Variants in KCNC2 observed in about 807,000 individuals in gnomAD.
The protein encoded by KCNC2 is potassium voltage-gated channel subfamily C member 2, also known as voltage-gated potassium channel KCNC2.
A neutral mutation model predicts 44.5 loss-of-function variants in KCNC2; 21 were observed. The ratio of observed to expected loss-of-function variants is 0.47; its 90% CI spans 0.33 to 0.68. The LOEUF is 0.68. KCNC2 is among the 30% of genes least tolerant of loss of function. The pLI, the probability that KCNC2 is intolerant of heterozygous loss-of-function variation, is 0.01. For missense variants in KCNC2, 589 were observed against 826.2 expected, an observed-to-expected ratio of 0.71 and a Z score of 3.52; for synonymous variants, 391 against 339.1, an observed-to-expected ratio of 1.15 and a Z score of -1.68.
chr12:75,081,504 C>T (rs1884508901), intron 2 of KCNC2, among the ~76,000 whole-genome samples: 1 of 151,048 alleles, frequency 6.6e-6, no homozygotes, highest in Non-Finnish European at 1.5e-5. Flanking sequence ...CTCACTTGAC[C>T]AACTTCAAAA....
chr12:75,208,633 C>A (rs2031907238), intron 1 of KCNC2, among the ~76,000 whole-genome samples: 1 of 149,704 alleles, frequency 6.7e-6, no homozygotes, highest in Admixed American at 6.6e-5. Context: ...AACCCCGGAC[C>A]CCTCTCTACT....
rs111489967 is a variant in KCNC2, at chr12:75,132,667, T to C, written c.687+74630A>G. Reference sequence around the variant, plus strand: ...TTCTCTAGCCCATCTTTCTCTGATTTGTTAAGAGAATCAAATTATATAAAG... The same window carrying C: ...TTCTCTAGCCCATCTTTCTCTGATTCGTTAAGAGAATCAAATTATATAAAG... On this transcript the variant is annotated intron_variant, in intron 2 of 4. Coordinates refer to ENST00000549446, the MANE Select transcript of KCNC2 (RefSeq NM_139137.4). 9.1e-3 allele frequency among the ~76,000 whole-genome samples: 1,383 copies of C among 152,252 alleles called. 21 individuals are homozygous for C. The highest frequency in any genetic ancestry group is 0.032 in the African/African-American group (1,309 of 41,550).
intron 2 of KCNC2, among the ~76,000 whole-genome samples, chr12:75,177,460 C>A (rs1892269797): frequency 6.6e-6 from 1 of 151,884 alleles, no homozygotes; most frequent in African/African-American, 2.4e-5. Context: ...ACAAGAACTA[C>A]TGACTCAAAG....
At chr12:75,091,276 T>C (rs1885451391) in intron 2 of KCNC2, among the ~76,000 whole-genome samples, 1 of 151,816 alleles carries the variant, frequency 6.6e-6, no homozygotes, top group Non-Finnish European at 1.5e-5. Context: ...TTTTTTATTC[T>C]TCAACTTTTT....
chr12:75,135,290 C>G (rs574103048), intron 2 of KCNC2, among the ~76,000 whole-genome samples: 44 of 151,622 alleles, frequency 2.9e-4, no homozygotes, highest in African/African-American at 1.0e-3. Context: ...CTGACCATCA[C>G]AAGTTCACAG....
chr12:75,166,433 C>A (rs1386213033), intron 2 of KCNC2, among the ~76,000 whole-genome samples: 1 of 145,086 alleles, frequency 6.9e-6, no homozygotes, highest in African/African-American at 2.6e-5. Flanking sequence ...AAAGAGAAAA[C>A]TCGAATGATC....
At chr12:75,063,634 A>G (rs1412604165) in intron 2 of KCNC2, among the ~76,000 whole-genome samples, 1 of 152,090 alleles carries the variant, frequency 6.6e-6, no homozygotes, top group Non-Finnish European at 1.5e-5. Flanking sequence ...GAGGACAGAC[A>G]ATAGGTTGTC....
chr12:75,198,310 T>C (rs1367534643), intron 2 of KCNC2, among the ~76,000 whole-genome samples: 1 of 151,908 alleles, frequency 6.6e-6, no homozygotes, highest in Non-Finnish European at 1.5e-5. Context: ...TTTTAGATGA[T>C]GGTGATAGGT....
intron 2 of KCNC2, among the ~76,000 whole-genome samples, chr12:75,087,682 G>C (rs907868478): frequency 1.3e-5 from 2 of 151,988 alleles, no homozygotes; most frequent in African/African-American, 4.8e-5. Flanking sequence ...TTAATTTACA[G>C]ATTCCTATCT....
intron 2 of KCNC2, among the ~76,000 whole-genome samples, chr12:75,098,039 T>C (rs1017968654): frequency 3.3e-5 from 5 of 152,112 alleles, no homozygotes; most frequent in Middle Eastern, 3.2e-3. Context: ...TATAAACATG[T>C]ATAATTAATA....
Position 75,188,861 on chromosome 12 carries a change from CAATAAATAAATA to C in KCNC2, c.687+18424_687+18435del, listed in dbSNP as rs10608827. On this transcript the variant is annotated intron_variant, in intron 2 of 4. Coordinates refer to ENST00000549446, the MANE Select transcript of KCNC2 (RefSeq NM_139137.4). ...CTGGTGACAGAGTGAGACTCCATCT[CAATAAATAAATA>C]AATAAATAAATAAATAAATAAATAA... Among the ~76,000 whole-genome samples, 1,367 of 142,568 alleles carry C rather than the reference CAATAAATAAATA, an allele frequency of 9.6e-3. 14 individuals are homozygous for C. Among genetic ancestry groups the C allele is most frequent in the African/African-American group, 0.017 (649 of 38,514 alleles). The allele number at this position is 142,568 out of a possible 152,430, so 93.5% of individuals were successfully genotyped here. A position where few individuals can be genotyped will look rare whatever the true frequency, so the allele number is the denominator to read the frequency against.
intron 2 of KCNC2, among the ~76,000 whole-genome samples, chr12:75,080,277 CTT>C (rs1884369067): frequency 2.6e-5 from 1 of 38,832 alleles, no homozygotes; most frequent in Admixed American, 3.4e-4. Flanking sequence ...ATAATCCTCT[CTT>C]TGTAGCATTT....
intron 2 of KCNC2, among the ~76,000 whole-genome samples, chr12:75,087,847 C>T (rs550502585): frequency 6.6e-6 from 1 of 152,144 alleles, no homozygotes; most frequent in South Asian, 2.1e-4. Context: ...AAAGCATCTT[C>T]AGGCAGAAGA....
In KCNC2 at chr12:75,135,531, A is replaced by T. The variant is rs115185776; in HGVS notation, c.687+71766T>A. Among the ~76,000 whole-genome samples the T allele has an allele frequency of 8.4e-3, 1,282 of 152,138 alleles. 15 individuals carry two copies. The highest frequency in any genetic ancestry group is 0.029 in the African/African-American group (1,212 of 41,548). On this transcript the variant is annotated intron_variant, in intron 2 of 4. Transcript: ENST00000549446. ...AACTTCAGACATTGTTTTGAAGACA[A>T]ATATTTTTAGTCCAAGTAGGAATCT...
At chr12:75,130,683 C>T (rs760678076) in intron 2 of KCNC2, among the ~76,000 whole-genome samples, 10 of 151,652 alleles carry the variant, frequency 6.6e-5, no homozygotes, top group Non-Finnish European at 1.0e-4. Context: ...ACAGGTTATC[C>T]GTATTTGTGA....
At chr12:75,202,313 G>T (rs997937087) in intron 2 of KCNC2, among the ~76,000 whole-genome samples, 1 of 151,768 alleles carries the variant, frequency 6.6e-6, no homozygotes, top group Admixed American at 6.6e-5. Context: ...TGTATATTTA[G>T]TTGGCAATTA....
At chr12:75,120,295 C>T (rs964342951) in intron 2 of KCNC2, among the ~76,000 whole-genome samples, 1 of 152,192 alleles carries the variant, frequency 6.6e-6, no homozygotes, top group South Asian at 2.1e-4. Context: ...AGACCACAGA[C>T]AGATTCCTGG....
chr12:75,196,257 A>G (rs1165040160), intron 2 of KCNC2, among the ~76,000 whole-genome samples: 1 of 152,112 alleles, frequency 6.6e-6, no homozygotes, highest in Non-Finnish European at 1.5e-5. Context: ...TAGTATGTAT[A>G]TTGGATATTA....
At chr12:75,129,134 A>G (rs1451400179) in intron 2 of KCNC2, among the ~76,000 whole-genome samples, 2 of 152,124 alleles carry the variant, frequency 1.3e-5, no homozygotes, top group East Asian at 3.9e-4. Context: ...ACTCCTCTCA[A>G]GCTACTGTCT....
Sources: allele counts gnomAD v4.1 joint callset (sites outside exome capture counted in the v4.1 genomes callset), GRCh38; gene constraint gnomAD v4.1.1; transcripts MANE v1.5; gene names NCBI Gene and HGNC (gene_info 2026-07-23, HGNC 2026-07-21).